The following TULP4 variants were observed in gnomAD, a reference collection of about 807,000 sequenced individuals.
TULP4 encodes the protein TUB like protein 4, also known as tubby-related protein 4.
Under a neutral mutation model 129.0 loss-of-function variants are expected in TULP4, and 16 were observed. The observed-to-expected ratio is 0.12, with a 90% CI of 0.08 to 0.19. TULP4 has a LOEUF of 0.19. Among genes scored for constraint, TULP4 ranks in the 10% least tolerant of loss-of-function variants. TULP4 has a pLI of 1.00. For synonymous variants in TULP4, 998 were observed against 854.0 expected (o/e 1.17, Z -2.94); for missense variants, 1,842 against 2,059.1 (o/e 0.89, Z 2.04).
At chr6:158,381,161 T>TG (rs1491313206) in intron 1 of TULP4, among the ~76,000 whole-genome samples, 6 of 148,546 alleles carry the variant, frequency 4.0e-5, no homozygotes, top group South Asian at 2.1e-4. Context: ...TTTATGGTTG[T>TG]TTTTTTTTTT....
chr6:158,392,709 AG>A (rs1777610764), intron 1 of TULP4, among the ~76,000 whole-genome samples: 1 of 146,754 alleles, frequency 6.8e-6, no homozygotes, highest in African/African-American at 2.5e-5. Context: ...ATGGCGGCTG[AG>A]TGGTGAAGCA....
upstream of TULP4, among the ~76,000 whole-genome samples, chr6:158,277,814 C>T (rs1055315332): frequency 6.6e-6 from 1 of 152,184 alleles, no homozygotes; most frequent in Non-Finnish European, 1.5e-5. Flanking sequence ...TGAAACAACT[C>T]CCTGTAACAG....
intron 1 of TULP4, among the ~76,000 whole-genome samples, chr6:158,352,744 G>GTTTAAAT (rs1780554225): frequency 6.6e-6 from 1 of 152,010 alleles, no homozygotes; most frequent in South Asian, 2.1e-4. Flanking sequence ...TTTTAATGTT[G>GTTTAAAT]GATTTGGCGT....
rs142954313 is a variant in TULP4 at position 158,503,647 on chromosome 6, G to A, written c.3984G>A (p.Gln1328=). The A allele has an allele frequency of 4.0e-5, 65 of 1,614,010 alleles. No homozygotes were observed. Among genetic ancestry groups the A allele is most frequent in the Middle Eastern group, 3.3e-4 (2 of 6,062 alleles). Reference sequence around the variant, plus strand: ...CCCTGACCGAAAGCCCAGTCCCCCAGCGGACAGAAAAATTTGGAAAGAAGA... The same window carrying A: ...CCCTGACCGAAAGCCCAGTCCCCCAACGGACAGAAAAATTTGGAAAGAAGA... ...VLSLTESPVP[Q]RTEKFGKKNR... is the part of the protein sequence containing the mutation. The change falls in exon 13 of 14, where the codon CAG becomes CAA. Residue 1328 remains glutamine, a synonymous_variant. Transcript: ENST00000367097. This position sits in a 1 kb window ranked among gnomAD's most constrained non-coding sequence, Gnocchi z 4.3.
intron 1 of TULP4, among the ~76,000 whole-genome samples, chr6:158,324,260 A>G (rs971156436): frequency 6.6e-6 from 1 of 152,204 alleles, no homozygotes; most frequent in Non-Finnish European, 1.5e-5. Context: ...TTTAAAAAAT[A>G]TTCTTACATT....
intron 3 of TULP4, among the ~76,000 whole-genome samples, chr6:158,442,314 A>T (rs1249750138): frequency 6.6e-6 from 1 of 152,130 alleles, no homozygotes; most frequent in Non-Finnish European, 1.5e-5. Context: ...TGTTTTGAAG[A>T]GTTGTAAAAT....
At chr6:158,405,534 G>A (rs1337986625) in intron 1 of TULP4, among the ~76,000 whole-genome samples, 1 of 152,166 alleles carries the variant, frequency 6.6e-6, no homozygotes, top group African/African-American at 2.4e-5. Flanking sequence ...CATATGCTCT[G>A]CTACTTGAGA....
chr6:158,375,024 C>CTTGAGGTCAGGAGT (rs987193542), intron 1 of TULP4, among the ~76,000 whole-genome samples: 6 of 152,094 alleles, frequency 3.9e-5, no homozygotes, highest in African/African-American at 1.4e-4. Flanking sequence ...GGGCGGGTCA[C>CTTGAGGTCAGGAGT]TTGAGGTCAG....
chr6:158,252,501 A>G (rs952740147), intron 1 of TULP4, among the ~76,000 whole-genome samples: 14 of 151,882 alleles, frequency 9.2e-5, no homozygotes, highest in Admixed American at 7.2e-4. Flanking sequence ...TCAGCCTCCC[A>G]AGTGGCTGGG....
At chr6:158,232,759 C>T (rs961178760) in intron 1 of TULP4, among the ~76,000 whole-genome samples, 2 of 152,256 alleles carry the variant, frequency 1.3e-5, no homozygotes, top group East Asian at 3.9e-4. Context: ...GCGTCGGGCC[C>T]GAGCGGCTTC....
intron 9 of TULP4, among the ~76,000 whole-genome samples, chr6:158,491,126 C>A (rs1009225505): frequency 6.6e-6 from 1 of 152,196 alleles, no homozygotes; most frequent in African/African-American, 2.4e-5. Context: ...GCCGCACCCA[C>A]GTAAATCCCT....
At chr6:158,387,579 T>C (rs1777477912) in intron 1 of TULP4, among the ~76,000 whole-genome samples, 1 of 152,222 alleles carries the variant, frequency 6.6e-6, no homozygotes. Context: ...TTTTCCATCA[T>C]CCAAGGCATG....
intron 2 of TULP4, among the ~76,000 whole-genome samples, chr6:158,417,572 T>C (rs1035403009): frequency 2.3e-4 from 35 of 152,274 alleles, no homozygotes; most frequent in Admixed American, 2.0e-3. Context: ...TTTAATCGTG[T>C]TGGAGTCAGA....
intron 1 of TULP4, among the ~76,000 whole-genome samples, chr6:158,352,460 G>A (rs1405820705): frequency 1.3e-5 from 2 of 152,254 alleles, no homozygotes; most frequent in South Asian, 2.1e-4. Context: ...GCAGTGGCAC[G>A]ATCTCGGCTC....
At position 158,509,459 on chromosome 6, in the gene TULP4, G is replaced by A. The variant is rs1209749428; in HGVS notation, c.*2765G>A. 1 of 151,944 alleles carries A rather than the reference G, an allele frequency of 6.6e-6. No individual in the cohort carries two copies. The allele number at this position is 151,944 out of a possible 1,614,324, so 9.4% of individuals were successfully genotyped here. On this transcript the variant is annotated 3_prime_UTR_variant, in exon 14 of 14. Coordinates refer to ENST00000367097, the MANE Select transcript of TULP4 (RefSeq NM_020245.5). ...CTAGGTAATAAGCTTCACTTTTTGTGTTCTAATTGTTTTTGAGATATAAAG... is the reference window on the plus strand; with the variant it reads ...CTAGGTAATAAGCTTCACTTTTTGTATTCTAATTGTTTTTGAGATATAAAG...
chr6:158,443,698 CAT>C (rs1358022097), intron 3 of TULP4, among the ~76,000 whole-genome samples: 1 of 151,862 alleles, frequency 6.6e-6, no homozygotes, highest in Non-Finnish European at 1.5e-5. Context: ...TTCCAAATTA[CAT>C]GTTTAGCCTG....
rs192584310 is a variant in TULP4, at chr6:158,282,401, T to C, written n.116+23T>C. ...AAGGTAAGCTTTTGATAAGTGAATA[T>C]GAATTCCCTCTAAGAACTAGATGAT... is the stretch of plus-strand genomic sequence containing the variant. On this transcript the variant is annotated intron_variant and non_coding_transcript_variant, in intron 1 of 1. Coordinates refer to the TULP4 transcript ENST00000432358. 6.6e-4 allele frequency: 100 copies of C among 152,234 alleles called. 1 individual carries two copies. The highest frequency in any genetic ancestry group is 2.1e-3 in the African/African-American group (86 of 41,532). The allele number at this position is 152,234 out of a possible 1,614,324, so 9.4% of individuals were successfully genotyped here.
At chr6:158,252,693 G>A (rs1328637711) in intron 1 of TULP4, among the ~76,000 whole-genome samples, 1 of 152,122 alleles carries the variant, frequency 6.6e-6, no homozygotes, top group Non-Finnish European at 1.5e-5. Context: ...CATAACTAGA[G>A]CATTTGTCAA....
chr6:158,238,293 CTGGGCACCTTGGGTTAACA>C, intron 1 of TULP4: 1 of 1,119,268 alleles, frequency 8.9e-7, no homozygotes, highest in East Asian at 2.3e-5. Context: ...TCACGCAGAG[CTGGGCACCTTGGGTTAACA>C]TAGGTGAGAG....
Sources: gnomAD v4.1 joint callset for allele counts (sites outside exome capture counted in the v4.1 genomes callset) on GRCh38, gnomAD v4.1.1 for gene constraint, Gnocchi (gnomAD v3.1) non-coding constraint, MANE v1.5 for transcripts, NCBI Gene and HGNC (gene_info 2026-07-23, HGNC 2026-07-21) for gene names.